FANCM: variants seen among roughly 807,000 people sequenced by gnomAD.
FANCM encodes the protein FA complementation group M, also known as Fanconi anemia group M protein.
In FANCM, 140 loss-of-function variants were observed where a neutral mutation model predicts 199.5. The ratio of observed to expected loss-of-function variants is 0.70; its 90% CI spans 0.61 to 0.81. FANCM has a LOEUF of 0.81. Ranked by LOEUF, FANCM falls within the 30% of genes least tolerant of loss-of-function variation. The probability of loss-of-function intolerance (pLI) is 0.00; values close to 1 mark genes in which losing one functional copy is unlikely to be tolerated. For missense variants in FANCM, 2,410 were observed against 2,421.4 expected (o/e 1.00, Z 0.10); for synonymous variants, 840 against 836.8 (o/e 1.00, Z -0.07).
intron 3 of FANCM, among the ~76,000 whole-genome samples, chr14:45,144,107 C>G (rs1426719963): frequency 2.0e-5 from 3 of 151,854 alleles, no homozygotes; most frequent in African/African-American, 7.3e-5. Context: ...TATTTTGATA[C>G]AGGCATGCAG....
intron 19 of FANCM, 86 bp from the exon 20 acceptor site, chr14:45,188,716 G>A (rs1889564076): frequency 2.5e-5 from 24 of 963,488 alleles, no homozygotes; most frequent in Non-Finnish European, 3.9e-5. Flanking sequence ...AAATATTAAT[G>A]CAGATTTCAT....
At chr14:45,182,819 C>T (rs1889153400) in intron 16 of FANCM, among the ~76,000 whole-genome samples, 1 of 152,144 alleles carries the variant, frequency 6.6e-6, no homozygotes, top group African/African-American at 2.4e-5. Context: ...ACCTAATCTA[C>T]TGAATATCAC....
At chr14:45,148,482 A>C (rs968889957) in intron 3 of FANCM, among the ~76,000 whole-genome samples, 1 of 152,190 alleles carries the variant, frequency 6.6e-6, no homozygotes, top group Non-Finnish European at 1.5e-5. Context: ...ATTTATCAAT[A>C]ATTGATTGAG....
In FANCM at chr14:45,181,984, T is replaced by C. The variant is rs562668785; in HGVS notation, c.4386+279T>C. On this transcript the variant is annotated intron_variant, in intron 16 of 22. Coordinates refer to ENST00000267430, the MANE Select transcript of FANCM (RefSeq NM_020937.4). The stretch of plus-strand genomic sequence containing the variant: ...ACTTGAGCAATTCGGCAAGCATTCA[T>C]TAAATACCTCCTATGTGTCTACTGT... 2.6e-5 allele frequency among the ~76,000 whole-genome samples: 4 copies of C among 152,328 alleles called. No homozygotes were observed. In the South Asian group the frequency reaches 6.2e-4, roughly 24 times the overall value.
intron 9 of FANCM, among the ~76,000 whole-genome samples, chr14:45,163,332 GT>G (rs1163467851): frequency 6.6e-6 from 1 of 152,220 alleles, no homozygotes; most frequent in Non-Finnish European, 1.5e-5. Context: ...GGCACATAGT[GT>G]GCCCTTGCAC....
At position 45,195,944 on chromosome 14, in the gene FANCM, A is replaced by G. The variant is rs1890030518; in HGVS notation, c.5341-228A>G. ...CCTGTTCATTTTTAGACTTTCTGCT[A>G]TTTCTTTACATCCTTTTGTTCTTAG... On this transcript the variant is annotated intron_variant, in intron 20 of 22. Coordinates refer to ENST00000267430, the MANE Select transcript of FANCM (RefSeq NM_020937.4). Among the ~76,000 whole-genome samples the G allele has an allele frequency of 2.0e-5, 3 of 151,746 alleles. No individual in the cohort carries two copies. In the South Asian group the frequency reaches 6.2e-4, roughly 31 times the overall value.
At chr14:45,177,013 T>G in intron 14 of FANCM, 37 bp downstream of exon 14, 1 of 1,290,876 alleles carries the variant, frequency 7.7e-7, no homozygotes, top group Non-Finnish European at 1.1e-6. Context: ...TAACTCTTTC[T>G]AGAATAATTA....
intron 11 of FANCM, 40 bp downstream of exon 11, chr14:45,167,203 G>C (rs550576824): frequency 2.6e-6 from 3 of 1,151,190 alleles, no homozygotes; most frequent in East Asian, 4.7e-5. Flanking sequence ...TTTTTCCCCT[G>C]TTCTTACTTA....
chr14:45,187,863 TA>T lies in FANCM; in HGVS notation c.4760del (p.Asn1587ThrfsTer2). On this transcript the variant is annotated frameshift_variant, in exon 19 of 23. Transcript: ENST00000267430. LOFTEE classifies it high-confidence loss of function. ...AGTACAAAATGATTCATAAGACACA[TA>T]AAAACATAAACATTTTCTCGCAGGT... is the stretch of plus-strand genomic sequence containing the variant. Reference protein sequence around the residue: ...NKYKMIHKTHKNINIFSQIPE... With the variant: ...NKYKMIHKTHXNINIFSQIPE... 6.6e-7 allele frequency: 1 copy of T among 1,525,074 alleles called. No individual in the cohort carries two copies. Among genetic ancestry groups the T allele is most frequent in the South Asian group, 1.1e-5 (1 of 89,128 alleles). 94.5% of individuals were successfully genotyped at this position (1,525,074 alleles called of 1,614,324 possible). A position where few individuals can be genotyped will look rare whatever the true frequency, so the allele number is the denominator to read the frequency against.
At chr14:45,178,375 C>T (rs747608237) in intron 14 of FANCM, among the ~76,000 whole-genome samples, 23 of 152,030 alleles carry the variant, frequency 1.5e-4, no homozygotes, top group African/African-American at 2.2e-4. Context: ...TCTGGTTTTG[C>T]GTCAGATTTG....
chr14:45,170,875 A>T, intron 12 of FANCM, 129 bp downstream of exon 12: 1 of 801,392 alleles, frequency 1.2e-6, no homozygotes, highest in Non-Finnish European at 2.1e-6. Flanking sequence ...TGGAATGTCA[A>T]CTTACTTTAA....
intron 7 of FANCM, 24 bp from the exon 8 acceptor site, chr14:45,155,344 AAAATT>A: frequency 9.8e-7 from 1 of 1,016,898 alleles, no homozygotes; most frequent in Non-Finnish European, 1.5e-6. Flanking sequence ...AAAACAGAAA[AAAATT>A]TTGATATTTT....
Position 45,188,425 on chromosome 14 carries a change from G to A in FANCM, c.4780-377G>A, listed in dbSNP as rs188531400. Reference sequence around the variant, plus strand: ...AAATGTTAAATGCTGAAAATTATAGGTTATGTCACTTATGGATAACATTTT... The same window carrying A: ...AAATGTTAAATGCTGAAAATTATAGATTATGTCACTTATGGATAACATTTT... On this transcript the variant is annotated intron_variant, in intron 19 of 22. Coordinates refer to ENST00000267430, the MANE Select transcript of FANCM (RefSeq NM_020937.4). 1.3e-3 allele frequency among the ~76,000 whole-genome samples: 191 copies of A among 152,108 alleles called. 1 individual carries two copies. Among genetic ancestry groups the A allele is most frequent in the South Asian group, 2.5e-3 (12 of 4,818 alleles).
In FANCM at chr14:45,198,694, A is replaced by T. The variant is rs1388856984; in HGVS notation, c.5767A>T (p.Thr1923Ser). ...RRTKSYDSLL[T>S]TLIGAGIRIL... is the part of the protein sequence containing the mutation. ...AACAAAGAGCTATGACAGCCTGCTG[A>T]CTACCTTAATTGGCGCTGGAATCCG... Residue 1923 changes from threonine to serine, a missense_variant, in exon 22 of 23, where the codon ACT becomes TCT. Coordinates refer to ENST00000267430, the MANE Select transcript of FANCM (RefSeq NM_020937.4). 3 of 1,613,670 alleles carry T rather than the reference A, an allele frequency of 1.9e-6. No homozygotes were observed. Among genetic ancestry groups the T allele is most frequent in the Non-Finnish European group, 2.5e-6 (3 of 1,179,704 alleles).
intron 16 of FANCM, among the ~76,000 whole-genome samples, chr14:45,182,641 G>C (rs1412806175): frequency 6.6e-6 from 1 of 152,180 alleles, no homozygotes; most frequent in Non-Finnish European, 1.5e-5. Context: ...CCAGTTTATA[G>C]CTGATAGCTA....
At chr14:45,157,990 A>G (rs903278270) in intron 8 of FANCM, among the ~76,000 whole-genome samples, 1 of 152,124 alleles carries the variant, frequency 6.6e-6, no homozygotes, top group Admixed American at 6.5e-5. Flanking sequence ...TCAGCCCAGG[A>G]GTTCGAGACC....
chr14:45,176,245 A>C lies in FANCM; in HGVS notation c.3491A>C (p.Lys1164Thr). 1 of 1,614,100 alleles carries C rather than the reference A, an allele frequency of 6.2e-7. No individual in the cohort carries two copies. The highest frequency in any genetic ancestry group is 8.5e-7 in the Non-Finnish European group (1 of 1,179,946). ...SKSESLPVSD[K>T]TAISETPLVS... ...AGCGAATCTTTACCTGTGTCAGACAAAACTGCTATTAGTGAAACGCCTCTG... is the reference window on the plus strand; with the variant it reads ...AGCGAATCTTTACCTGTGTCAGACACAACTGCTATTAGTGAAACGCCTCTG... Residue 1164 changes from lysine to threonine, a missense_variant, in exon 14 of 23, where the codon AAA becomes ACA. Physicochemically the swap from Lys to Thr is moderately conservative, Grantham distance 78 (BLOSUM62 -1). Transcript: ENST00000267430.
chr14:45,155,508 G>A (rs1887121806), intron 8 of FANCM, 49 bp downstream of exon 8: 2 of 985,684 alleles, frequency 2.0e-6, no homozygotes, highest in East Asian at 4.9e-5. Flanking sequence ...ATTGCAAGAG[G>A]TAAAACTTTA....
chr14:45,191,977 A>G (rs1889794547), intron 20 of FANCM, among the ~76,000 whole-genome samples: 1 of 152,092 alleles, frequency 6.6e-6, no homozygotes, highest in African/African-American at 2.4e-5. Flanking sequence ...AAAACTAAGT[A>G]CTTCCACTAT....
Sources: allele counts gnomAD v4.1 joint callset (sites outside exome capture counted in the v4.1 genomes callset), GRCh38; gene constraint gnomAD v4.1.1; transcripts MANE v1.5; gene names NCBI Gene and HGNC (gene_info 2026-07-23, HGNC 2026-07-21).